TIAM1: variants seen among roughly 807,000 people sequenced by gnomAD.
TIAM1 encodes rho guanine nucleotide exchange factor TIAM1.
Under a neutral mutation model 163.5 loss-of-function variants are expected in TIAM1, and 65 were observed. The observed-to-expected ratio is 0.40, with a 90% CI of 0.33 to 0.49. The LOEUF (loss-of-function observed/expected upper bound fraction) is 0.49, where lower values mean the gene tolerates loss of function less well. TIAM1 is among the 20% of genes least tolerant of loss of function. TIAM1 has a pLI of 0.77. For synonymous variants in TIAM1, 833 were observed against 810.1 expected, an observed-to-expected ratio of 1.03 and a Z score of -0.48; for missense variants, 1,789 against 2,044.7, an observed-to-expected ratio of 0.87 and a Z score of 2.41.
intron 1 of TIAM1, among the ~76,000 whole-genome samples, chr21:31,537,293 T>G (rs879632913): frequency 4.4e-4 from 67 of 152,054 alleles, no homozygotes; most frequent in Non-Finnish European, 7.2e-4. Flanking sequence ...TGAACATAGG[T>G]CAAGGGTCTT....
intron 7 of TIAM1, among the ~76,000 whole-genome samples, chr21:31,224,143 A>T (rs1470655658): frequency 6.6e-6 from 1 of 152,202 alleles, no homozygotes; most frequent in Non-Finnish European, 1.5e-5. Context: ...CAAAATAATA[A>T]CTACCTCCTT....
At chr21:31,545,053 G>A (rs1345548436) in intron 1 of TIAM1, among the ~76,000 whole-genome samples, 1 of 151,298 alleles carries the variant, frequency 6.6e-6, no homozygotes, top group Non-Finnish European at 1.5e-5. Flanking sequence ...CCTGGTACCT[G>A]TGAATGTGAG....
chr21:31,518,364 C>T (rs2047452344), intron 1 of TIAM1, among the ~76,000 whole-genome samples: 1 of 152,066 alleles, frequency 6.6e-6, no homozygotes, highest in Non-Finnish European at 1.5e-5. Context: ...CTCGACTCAC[C>T]ACAACCTCCA....
At chr21:31,499,000 A>AGGGGG (rs2046760816) in intron 1 of TIAM1, among the ~76,000 whole-genome samples, 2 of 55,496 alleles carry the variant, frequency 3.6e-5, no homozygotes, top group African/African-American at 1.5e-4. Flanking sequence ...AGGGGAGGGG[A>AGGGGG]GGGGAGGGGA....
At chr21:31,522,104 C>T (rs2047618207) in intron 1 of TIAM1, among the ~76,000 whole-genome samples, 1 of 151,962 alleles carries the variant, frequency 6.6e-6, no homozygotes, top group Admixed American at 6.6e-5. Context: ...ATCTCCTGAC[C>T]TTGTGATCCG....
intron 2 of TIAM1, among the ~76,000 whole-genome samples, chr21:31,305,417 A>G (rs1195609242): frequency 1.6e-5 from 2 of 127,118 alleles, no homozygotes; most frequent in African/African-American, 6.3e-5. Context: ...ACTCTGAAAT[A>G]AAAATAAAAA....
chr21:31,154,976 A>T (rs781115777), intron 16 of TIAM1, among the ~76,000 whole-genome samples: 31 of 152,366 alleles, frequency 2.0e-4, no homozygotes, highest in South Asian at 1.7e-3. Flanking sequence ...CACTGAGTCA[A>T]CTTTCTAGAT....
chr21:31,283,401 G>T (rs58009487), intron 2 of TIAM1, among the ~76,000 whole-genome samples: 1 of 152,162 alleles, frequency 6.6e-6, no homozygotes, highest in East Asian at 1.9e-4. Context: ...CTCTAGGAAT[G>T]GTTCAAATGA....
At chr21:31,387,476 G>A (rs2284508) in intron 2 of TIAM1, among the ~76,000 whole-genome samples, 18,729 of 151,732 alleles carry the variant, frequency 0.12, 1,334 homozygotes, top group Admixed American at 0.22. Context: ...GCCTCCCAAA[G>A]TGCTGGGATT....
At chr21:31,496,002 C>A (rs1404704819) in intron 1 of TIAM1, among the ~76,000 whole-genome samples, 1 of 151,856 alleles carries the variant, frequency 6.6e-6, no homozygotes, top group African/African-American at 2.4e-5. Flanking sequence ...GCTCTCACTG[C>A]CCCTGAAGAG....
chr21:31,226,830 A>G (rs2088005358), intron 6 of TIAM1, among the ~76,000 whole-genome samples: 1 of 152,156 alleles, frequency 6.6e-6, no homozygotes, highest in South Asian at 2.1e-4. Flanking sequence ...AGCCACTACA[A>G]TACTAAAGGA....
intron 1 of TIAM1, among the ~76,000 whole-genome samples, chr21:31,480,635 C>T (rs1217109279): frequency 1.3e-5 from 2 of 152,204 alleles, no homozygotes; most frequent in Admixed American, 6.5e-5. Flanking sequence ...TGGAGCCACA[C>T]CCTTCTATCA....
At chr21:31,550,266 T>G (rs190303207) in intron 1 of TIAM1, among the ~76,000 whole-genome samples, 2 of 152,044 alleles carry the variant, frequency 1.3e-5, no homozygotes, top group Admixed American at 1.3e-4. Context: ...ATAAACAAAA[T>G]GTAGTATACC....
chr21:31,152,985 C>A (rs1416703665), intron 18 of TIAM1, 81 bp downstream of exon 18: 6 of 1,373,618 alleles, frequency 4.4e-6, no homozygotes, highest in East Asian at 2.3e-5. Context: ...TTCAGTGTTA[C>A]GCATGTCCCC....
intron 19 of TIAM1, 90 bp from the exon 20 acceptor site, chr21:31,147,093 G>C (rs2083156435): frequency 2.9e-6 from 3 of 1,046,944 alleles, no homozygotes; most frequent in Admixed American, 1.9e-5. Flanking sequence ...CATCTGCCTG[G>C]CCCACCCCAC....
At chr21:31,441,361 T>C (rs1157201257) in intron 2 of TIAM1, among the ~76,000 whole-genome samples, 1 of 152,198 alleles carries the variant, frequency 6.6e-6, no homozygotes, top group East Asian at 1.9e-4. Context: ...TTCAACAAAC[T>C]CATTCCTTCT....
chr21:31,509,646 A>G (rs548924270), intron 1 of TIAM1, among the ~76,000 whole-genome samples: 2 of 152,210 alleles, frequency 1.3e-5, no homozygotes, highest in East Asian at 3.9e-4. Flanking sequence ...CAGAGAGGAG[A>G]GAGAGGCAGG....
At chr21:31,525,367 CAA>C (rs200283424) in intron 1 of TIAM1, among the ~76,000 whole-genome samples, 12 of 101,666 alleles carry the variant, frequency 1.2e-4, no homozygotes, top group East Asian at 2.9e-4. Flanking sequence ...GACTCCGTCT[CAA>C]AAAAAAAAAA....
chr21:31,135,650 C>CAA (rs111656838), intron 23 of TIAM1, among the ~76,000 whole-genome samples: 88 of 144,036 alleles, frequency 6.1e-4, no homozygotes, highest in Middle Eastern at 3.6e-3. Context: ...GAGCAGCAGC[C>CAA]AAAAAAAAAA....
Sources: gnomAD v4.1 joint callset for allele counts (sites outside exome capture counted in the v4.1 genomes callset) on GRCh38, gnomAD v4.1.1 for gene constraint, MANE v1.5 for transcripts, NCBI Gene and HGNC (gene_info 2026-07-23, HGNC 2026-07-21) for gene names.